CNKSR2: variants seen among roughly 807,000 people sequenced by gnomAD.
CNKSR2 encodes the protein CNK homolog protein 2.
CNKSR2 carries 14 observed loss-of-function variants against 84.4 expected under a neutral mutation model. That is an observed-to-expected ratio of 0.17 (90% CI 0.11 to 0.26). The LOEUF is 0.26. Ranked by LOEUF, CNKSR2 falls within the 10% of genes least tolerant of loss-of-function variation. The pLI, the probability that CNKSR2 is intolerant of heterozygous loss-of-function variation, is 1.00. For missense variants in CNKSR2, 485 were observed against 771.2 expected (o/e 0.63, Z 4.40); for synonymous variants, 275 against 277.9 (o/e 0.99, Z 0.10).
At chrX:21,418,245 G>A (rs1210421420) in intron 1 of CNKSR2, among the ~76,000 whole-genome samples, 1 of 111,720 alleles carries the variant, frequency 9.0e-6, no homozygotes, top group Admixed American at 9.5e-5. Context: ...TACTGTCTAT[G>A]TCTTGAAAAG....
chrX:21,573,494 C>T (rs777929978), intron 13 of CNKSR2, among the ~76,000 whole-genome samples: 52 of 112,419 alleles, frequency 4.6e-4, no homozygotes, highest in Middle Eastern at 4.6e-3. Flanking sequence ...GCCTAGACAC[C>T]CAGGCATTTC....
chrX:21,459,151 T>A (rs1480392765), intron 4 of CNKSR2, among the ~76,000 whole-genome samples: 1 of 108,569 alleles, frequency 9.2e-6, no homozygotes, highest in Non-Finnish European at 1.9e-5. Context: ...GCCTCCCAAG[T>A]AGCTGGGATT....
intron 1 of CNKSR2, among the ~76,000 whole-genome samples, chrX:21,421,079 C>A (rs963776387): frequency 5.4e-5 from 6 of 111,253 alleles, no homozygotes. Context: ...ATTGATGATT[C>A]CGCTCTGGCT....
intron 11 of CNKSR2, among the ~76,000 whole-genome samples, chrX:21,535,072 G>T (rs373150262): frequency 3.3e-4 from 37 of 110,939 alleles, no homozygotes; most frequent in Admixed American, 7.7e-4. Context: ...GAGAGATAGG[G>T]TTCTAGTTTC....
intron 13 of CNKSR2, among the ~76,000 whole-genome samples, chrX:21,590,284 A>G (rs955953213): frequency 1.1e-4 from 12 of 112,116 alleles, no homozygotes; most frequent in African/African-American, 3.6e-4. Context: ...GAAAAGGTAC[A>G]AAGTAGTGTG....
intron 1 of CNKSR2, among the ~76,000 whole-genome samples, chrX:21,412,191 G>A (rs2090354429): frequency 9.0e-6 from 1 of 111,678 alleles, no homozygotes; most frequent in African/African-American, 3.3e-5. Context: ...AGTAAAGTTG[G>A]ATCAACAAGT....
intron 21 of CNKSR2, among the ~76,000 whole-genome samples, chrX:21,650,832 GA>G (rs960918500): frequency 8.9e-6 from 1 of 112,021 alleles, no homozygotes; most frequent in African/African-American, 3.2e-5. Flanking sequence ...AAATCCAGGG[GA>G]CAATTTAATG....
rs3217648 is a variant in CNKSR2 at position 21,374,594 on chromosome X, GGCAGCAGCAGCAGCA to G, written c.-280_-266del. 973 of 456,075 alleles carry G rather than the reference GGCAGCAGCAGCAGCA, an allele frequency of 2.1e-3. 1 individual carries two copies. The highest frequency in any genetic ancestry group is 5.3e-3 in the African/African-American group (203 of 38,450). The allele number at this position is 456,075 out of a possible 1,213,427, so 37.6% of individuals were successfully genotyped here. A position where few individuals can be genotyped will look rare whatever the true frequency, so the allele number is the denominator to read the frequency against. ...ACGGAGACCGGAGCGGAGCGGCGGAGGCAGCAGCAGCAGCAGCAGCAGCAGCAGCAGCAGCAGCCG... is the reference window on the plus strand; with the variant it reads ...ACGGAGACCGGAGCGGAGCGGCGGAGGCAGCAGCAGCAGCAGCAGCAGCCG... On this transcript the variant is annotated 5_prime_UTR_variant, in exon 1 of 22. Transcript: ENST00000379510.
At chrX:21,447,600 G>T (rs1384403915) in intron 4 of CNKSR2, among the ~76,000 whole-genome samples, 1 of 111,146 alleles carries the variant, frequency 9.0e-6, no homozygotes, top group Non-Finnish European at 1.9e-5. Flanking sequence ...TCAGAGGAGA[G>T]TCCCTGATAT....
intron 13 of CNKSR2, among the ~76,000 whole-genome samples, chrX:21,577,096 T>C (rs957465023): frequency 3.6e-5 from 4 of 112,144 alleles, no homozygotes; most frequent in Admixed American, 2.8e-4. Flanking sequence ...TTTAAATGTT[T>C]AGAAATTTTT....
intron 11 of CNKSR2, among the ~76,000 whole-genome samples, chrX:21,539,196 C>A (rs183536952): frequency 4.7e-4 from 52 of 111,564 alleles, no homozygotes; most frequent in African/African-American, 1.5e-3. Context: ...CTTTTTTATT[C>A]TTTTTTCTTT....
At chrX:21,480,238 A>G (rs1204251074) in intron 5 of CNKSR2, among the ~76,000 whole-genome samples, 1 of 111,437 alleles carries the variant, frequency 9.0e-6, no homozygotes, top group Admixed American at 9.6e-5. Context: ...AAAACTACAT[A>G]TAGCTACTTC....
intron 20 of CNKSR2, among the ~76,000 whole-genome samples, chrX:21,617,574 G>A (rs2092582772): frequency 8.9e-6 from 1 of 111,779 alleles, no homozygotes; most frequent in African/African-American, 3.2e-5. Context: ...ACTGTCGAAA[G>A]TTAAGGTTTT....
rs778300950 is a variant in CNKSR2, at chrX:21,561,465, G to C, written c.1304-6G>C. On this transcript the variant is annotated splice_region_variant and splice_polypyrimidine_tract_variant and intron_variant, in intron 11 of 21. Coordinates refer to ENST00000379510, the MANE Select transcript of CNKSR2 (RefSeq NM_014927.5). ...ATGTGATGTGAACTTTGTTCTCTGT[G>C]TTTAGGCAAGCTACGACCTATATCT... 1 of 1,194,864 alleles carries C rather than the reference G, an allele frequency of 8.4e-7. No individual in the cohort carries two copies. Among genetic ancestry groups the C allele is most frequent in the South Asian group, 1.8e-5 (1 of 56,203 alleles).
intron 7 of CNKSR2, among the ~76,000 whole-genome samples, chrX:21,500,152 T>A (rs2091544416): frequency 9.0e-6 from 1 of 111,100 alleles, no homozygotes; most frequent in African/African-American, 3.3e-5. Flanking sequence ...TAGAGTTTTT[T>A]ATTGTAGATT....
Position 21,614,780 on chromosome X carries a change from G to A in CNKSR2, c.2692+5163G>A, listed in dbSNP as rs2092568964. On this transcript the variant is annotated intron_variant, in intron 20 of 21. Coordinates refer to ENST00000379510, the MANE Select transcript of CNKSR2 (RefSeq NM_014927.5). ...AGAGAAAGTTATTAACTTACAGGAA[G>A]TTCAGAGGTGGGGTTGTTCTGGGGT... Among the ~76,000 whole-genome samples the A allele has an allele frequency of 1.8e-5, 2 of 111,261 alleles. 1 individual carries two copies. Among genetic ancestry groups the A allele is most frequent in the South Asian group, 7.6e-4 (2 of 2,635 alleles).
intron 1 of CNKSR2, chrX:21,424,223 A>G (rs1011808133): frequency 4.5e-5 from 5 of 111,691 alleles, no homozygotes; most frequent in Non-Finnish European, 7.5e-5. Flanking sequence ...GGAATATTCT[A>G]CATGCAAGGC....
chrX:21,448,986 T>C (rs1033605927), intron 4 of CNKSR2, among the ~76,000 whole-genome samples: 2 of 111,581 alleles, frequency 1.8e-5, no homozygotes, highest in Non-Finnish European at 1.9e-5. Context: ...ATCAAACTTA[T>C]AAAATAAGTC....
At chrX:21,516,331 G>A (rs985338879) in intron 8 of CNKSR2, among the ~76,000 whole-genome samples, 154 bp from the exon 9 acceptor site, 2 of 111,051 alleles carry the variant, frequency 1.8e-5, no homozygotes, top group African/African-American at 6.5e-5. Flanking sequence ...TCAATTCAAA[G>A]ATAAAATTTA....
Sources: allele counts gnomAD v4.1 joint callset (sites outside exome capture counted in the v4.1 genomes callset), GRCh38; gene constraint gnomAD v4.1.1; transcripts MANE v1.5; gene names NCBI Gene and HGNC (gene_info 2026-07-23, HGNC 2026-07-21).